The following CACNB2 variants were observed in gnomAD, a reference collection of about 807,000 sequenced individuals.
The protein encoded by CACNB2 is voltage-dependent L-type calcium channel subunit beta-2.
CACNB2 carries 42 observed loss-of-function variants against 73.3 expected under a neutral mutation model. The ratio of observed to expected loss-of-function variants is 0.57; its 90% CI spans 0.45 to 0.74. The LOEUF is 0.74. Ranked by LOEUF, CACNB2 falls within the 30% of genes least tolerant of loss-of-function variation. CACNB2 has a pLI of 0.00. For missense variants in CACNB2, 940 were observed against 853.0 expected (o/e 1.10, Z -1.27); for synonymous variants, 348 against 310.3 (o/e 1.12, Z -1.28).
At chr10:18,204,076 T>G (rs1174322392) in intron 2 of CACNB2, among the ~76,000 whole-genome samples, 1 of 152,188 alleles carries the variant, frequency 6.6e-6, no homozygotes, top group East Asian at 1.9e-4. Flanking sequence ...AACGTTTAAT[T>G]TTAACATTAT....
chr10:18,476,151 C>T (rs1439149667), intron 3 of CACNB2, among the ~76,000 whole-genome samples: 1 of 152,138 alleles, frequency 6.6e-6, no homozygotes, highest in African/African-American at 2.4e-5. Context: ...GGGTTCCTCC[C>T]CCTTTTAGAC....
At chr10:18,432,778 T>C (rs557500065) in intron 3 of CACNB2, among the ~76,000 whole-genome samples, 81 of 152,212 alleles carry the variant, frequency 5.3e-4, no homozygotes, top group African/African-American at 1.9e-3. Flanking sequence ...GAGGTTGCAA[T>C]GAGCCAAGAC....
chr10:18,316,716 C>T (rs183919418), intron 2 of CACNB2, among the ~76,000 whole-genome samples: 178 of 152,304 alleles, frequency 1.2e-3, no homozygotes, highest in African/African-American at 4.0e-3. Flanking sequence ...CCCACCTCAG[C>T]TTCCCAGGGT....
chr10:18,252,803 G>A (rs1355960495), intron 2 of CACNB2, among the ~76,000 whole-genome samples: 1 of 152,182 alleles, frequency 6.6e-6, no homozygotes, highest in Non-Finnish European at 1.5e-5. Context: ...AAAGTATAAG[G>A]TGGGAATGTT....
intron 2 of CACNB2, among the ~76,000 whole-genome samples, chr10:18,357,239 G>T (rs532961884): frequency 9.2e-5 from 14 of 152,062 alleles, no homozygotes; most frequent in Non-Finnish European, 1.9e-4. Flanking sequence ...CACCGCGCCC[G>T]GCTGACTCAA....
intron 3 of CACNB2, among the ~76,000 whole-genome samples, chr10:18,433,233 G>A (rs892731705): frequency 1.3e-5 from 2 of 152,100 alleles, no homozygotes; most frequent in African/African-American, 4.8e-5. Flanking sequence ...TTCATGCAAG[G>A]GGACCGGCAT....
intron 2 of CACNB2, among the ~76,000 whole-genome samples, chr10:18,301,101 G>A (rs575355534): frequency 3.3e-5 from 5 of 152,284 alleles, no homozygotes; most frequent in East Asian, 1.9e-4. Flanking sequence ...AAGGGGACTC[G>A]TGTTCGGAAG....
chr10:18,419,066 T>G (rs6482406), intron 3 of CACNB2, among the ~76,000 whole-genome samples: 133,892 of 152,234 alleles, frequency 0.88, 59,118 homozygotes, highest in East Asian at 0.94. Context: ...TCAGTGACAC[T>G]CATCCCCAGG....
intron 2 of CACNB2, among the ~76,000 whole-genome samples, chr10:18,343,549 A>G (rs1390570402): frequency 6.6e-6 from 1 of 152,226 alleles, no homozygotes; most frequent in Non-Finnish European, 1.5e-5. Context: ...GTACATGCAT[A>G]GAATATAATT....
At chr10:18,182,976 T>G (rs1202575737) in intron 2 of CACNB2, among the ~76,000 whole-genome samples, 3 of 152,162 alleles carry the variant, frequency 2.0e-5, no homozygotes, top group Non-Finnish European at 4.4e-5. Context: ...GAGAAAATAG[T>G]ATACAAATTG....
At chr10:18,392,780 T>C (rs2043539027) in intron 2 of CACNB2, among the ~76,000 whole-genome samples, 1 of 152,296 alleles carries the variant, frequency 6.6e-6, no homozygotes, top group South Asian at 2.1e-4. Context: ...TCCCATTTCA[T>C]TGAATTTTCT....
intron 3 of CACNB2, among the ~76,000 whole-genome samples, chr10:18,468,763 C>A (rs1370453218): frequency 1.3e-5 from 2 of 151,942 alleles, no homozygotes; most frequent in Non-Finnish European, 2.9e-5. Flanking sequence ...CCACACCCAG[C>A]TAATTTTGTA....
At position 18,428,983 on chromosome 10, in the gene CACNB2, AC is replaced by A. The variant is rs567605167; in HGVS notation, c.333+26941del. 2.3e-3 allele frequency among the ~76,000 whole-genome samples: 343 copies of A among 152,310 alleles called. 1 individual carries two copies. Among genetic ancestry groups the A allele is most frequent in the African/African-American group, 7.5e-3 (313 of 41,568 alleles). Reference sequence around the variant, plus strand: ...TTTAAAAGTAAGTCTGTATTTGTTTACATTTATTCACTTAATTACTACTGCC... The same window carrying A: ...TTTAAAAGTAAGTCTGTATTTGTTTAATTTATTCACTTAATTACTACTGCC... On this transcript the variant is annotated intron_variant, in intron 3 of 13. Transcript: ENST00000324631.
intron 3 of CACNB2, among the ~76,000 whole-genome samples, chr10:18,489,357 C>G (rs2049270694): frequency 6.9e-6 from 1 of 145,844 alleles, no homozygotes; most frequent in African/African-American, 2.5e-5. Context: ...ACCATTGCAC[C>G]CTAGCCTGGG....
intron 2 of CACNB2, among the ~76,000 whole-genome samples, chr10:18,169,417 T>C (rs1018408693): frequency 6.6e-6 from 1 of 152,126 alleles, no homozygotes; most frequent in African/African-American, 2.4e-5. Flanking sequence ...AATACTCCCT[T>C]GAAAATAACC....
At chr10:18,509,676 G>A (rs2050665397) in intron 6 of CACNB2, among the ~76,000 whole-genome samples, 1 of 152,080 alleles carries the variant, frequency 6.6e-6, no homozygotes, top group South Asian at 2.1e-4. Flanking sequence ...TATAGTCCCA[G>A]CTACTTGGGA....
intron 2 of CACNB2, among the ~76,000 whole-genome samples, chr10:18,256,094 A>G (rs1338852590): frequency 6.6e-6 from 1 of 152,110 alleles, no homozygotes; most frequent in Non-Finnish European, 1.5e-5. Context: ...TATTATCTAC[A>G]TTTACCTTTG....
chr10:18,488,682 A>G (rs1295966066), intron 3 of CACNB2, among the ~76,000 whole-genome samples: 1 of 152,006 alleles, frequency 6.6e-6, no homozygotes, highest in African/African-American at 2.4e-5. Context: ...CTTTCTTTAT[A>G]CCAACCAATT....
intron 2 of CACNB2, among the ~76,000 whole-genome samples, chr10:18,367,230 G>A (rs1344468268): frequency 1.3e-5 from 2 of 151,358 alleles, no homozygotes; most frequent in Non-Finnish European, 2.9e-5. Flanking sequence ...TTCCCTTAGG[G>A]ACTAGCACAA....
Sources: gnomAD v4.1 joint callset for allele counts (sites outside exome capture counted in the v4.1 genomes callset) on GRCh38, gnomAD v4.1.1 for gene constraint, MANE v1.5 for transcripts, NCBI Gene and HGNC (gene_info 2026-07-23, HGNC 2026-07-21) for gene names.